Variants in DCAF6 observed in about 807,000 individuals in gnomAD.
DCAF6 encodes DDB1 and CUL4 associated factor 6.
In DCAF6, 54 loss-of-function variants were observed where a neutral mutation model predicts 125.1. The observed-to-expected ratio is 0.43, with a 90% CI of 0.35 to 0.54. DCAF6 has a LOEUF of 0.54. Ranked by LOEUF, DCAF6 falls within the 20% of genes least tolerant of loss-of-function variation. The pLI is 0.01. For missense variants in DCAF6, 934 were observed against 1,161.7 expected (o/e 0.80, Z 2.85); for synonymous variants, 371 against 390.4 (o/e 0.95, Z 0.58).
chr1:168,036,231 A>T (rs768248653), intron 12 of DCAF6, among the ~76,000 whole-genome samples: 1 of 152,174 alleles, frequency 6.6e-6, no homozygotes, highest in Non-Finnish European at 1.5e-5. Context: ...ATATATTCCT[A>T]TAGTCATAGC....
chr1:168,059,735 T>A (rs1254989092), intron 17 of DCAF6, among the ~76,000 whole-genome samples: 3 of 152,148 alleles, frequency 2.0e-5, no homozygotes, highest in Non-Finnish European at 4.4e-5. Flanking sequence ...AGTTTTGACC[T>A]CCTAGGCTCA....
the DCAF6 span, among the ~76,000 whole-genome samples, chr1:167,873,357 T>C: frequency 1.3e-5 from 2 of 152,192 alleles, no homozygotes; most frequent in Non-Finnish European, 2.9e-5. Flanking sequence ...AGTGTTTTTT[T>C]GCAGTTCTGG....
intron 6 of DCAF6, 45 bp downstream of exon 6, chr1:167,991,384 GAGT>G: frequency 6.6e-7 from 1 of 1,525,410 alleles, no homozygotes; most frequent in Non-Finnish European, 8.8e-7. Context: ...TCAGTTCAAA[GAGT>G]AAATCTCTAT....
the DCAF6 span, among the ~76,000 whole-genome samples, chr1:167,863,955 C>T: frequency 6.6e-6 from 1 of 152,158 alleles, no homozygotes; most frequent in African/African-American, 2.4e-5. Flanking sequence ...AATTACTTGA[C>T]AGGACTGGTC....
the DCAF6 span, among the ~76,000 whole-genome samples, chr1:167,864,721 G>T: frequency 6.6e-6 from 1 of 152,226 alleles, no homozygotes; most frequent in South Asian, 2.1e-4. Flanking sequence ...ACCTAAAATT[G>T]ATAATTAAAG....
intron 7 of DCAF6, 66 bp downstream of exon 7, chr1:167,993,506 T>G (rs1681174601): frequency 7.4e-7 from 1 of 1,349,804 alleles, no homozygotes; most frequent in Non-Finnish European, 1.0e-6. Context: ...TCCCAGCGCT[T>G]TGGGAGGCCG....
At chr1:168,064,031 C>T (rs169309) in intron 18 of DCAF6, 11,413 of 151,612 alleles carry the variant, frequency 0.075, 1,485 homozygotes, top group African/African-American at 0.3. Flanking sequence ...TTTTTTTTTT[C>T]CCCCTCTCTT....
chr1:167,899,985 C>T, the DCAF6 span, among the ~76,000 whole-genome samples: 4 of 152,182 alleles, frequency 2.6e-5, no homozygotes, highest in South Asian at 8.3e-4. Flanking sequence ...TGCATTTTAG[C>T]AGAGATTGAA....
At chr1:167,879,830 A>G in the DCAF6 span, among the ~76,000 whole-genome samples, 2 of 152,200 alleles carry the variant, frequency 1.3e-5, no homozygotes, top group Non-Finnish European at 2.9e-5. Context: ...AGAAGTAACT[A>G]TTTAATGTTA....
At chr1:167,894,934 C>T in the DCAF6 span, among the ~76,000 whole-genome samples, 2 of 152,116 alleles carry the variant, frequency 1.3e-5, no homozygotes, top group African/African-American at 4.8e-5. Context: ...CCTGTAATCC[C>T]AGCACTTTGG....
intron 5 of DCAF6, among the ~76,000 whole-genome samples, chr1:167,987,830 A>G (rs905599621): frequency 2.0e-5 from 3 of 152,206 alleles, no homozygotes; most frequent in East Asian, 1.9e-4. Flanking sequence ...GAAGTTGGAG[A>G]ACTTATATTT....
At chr1:167,982,331 TC>T (rs1278206503) in intron 4 of DCAF6, among the ~76,000 whole-genome samples, 1 of 152,122 alleles carries the variant, frequency 6.6e-6, no homozygotes, top group African/African-American at 2.4e-5. Context: ...AACCTCCTCT[TC>T]CTGCTTTCAA....
chr1:167,887,150 G>C, the DCAF6 span, among the ~76,000 whole-genome samples: 1 of 152,088 alleles, frequency 6.6e-6, no homozygotes, highest in Non-Finnish European at 1.5e-5. Context: ...ATTCCTCAAG[G>C]ATCTAGAACT....
the DCAF6 span, chr1:167,896,615 T>A: frequency 6.2e-7 from 1 of 1,613,354 alleles, no homozygotes; most frequent in Non-Finnish European, 8.5e-7. Context: ...ACCAGAAGGA[T>A]AATAATGCAT....
At chr1:167,982,857 T>C (rs1342352141) in intron 4 of DCAF6, among the ~76,000 whole-genome samples, 2 of 152,072 alleles carry the variant, frequency 1.3e-5, no homozygotes, top group Non-Finnish European at 2.9e-5. Flanking sequence ...TGTAGGGGGG[T>C]CCAGTTTCAT....
the DCAF6 span, among the ~76,000 whole-genome samples, chr1:167,871,366 G>GT: frequency 2.6e-5 from 4 of 152,132 alleles, no homozygotes; most frequent in East Asian, 5.8e-4. Flanking sequence ...TAGATTATAG[G>GT]TTTTTTCTGA....
intron 2 of DCAF6, among the ~76,000 whole-genome samples, chr1:167,955,600 T>C (rs1284895873): frequency 6.6e-6 from 1 of 152,182 alleles, no homozygotes; most frequent in African/African-American, 2.4e-5. Context: ...CTTAAGATTT[T>C]ATAGGATATT....
intron 13 of DCAF6, 61 bp from the exon 14 acceptor site, chr1:168,042,964 A>G (rs1688731924): frequency 2.4e-6 from 3 of 1,249,728 alleles, no homozygotes; most frequent in South Asian, 1.4e-5. Context: ...AAATATAAAA[A>G]TCCTAAAAGA....
intron 4 of DCAF6, 42 bp from the exon 5 acceptor site, chr1:167,987,453 A>T: frequency 1.0e-6 from 1 of 956,184 alleles, no homozygotes; most frequent in South Asian, 1.4e-5. Flanking sequence ...CCGTCTGTTT[A>T]AATGTTCGTA....
Sources: gnomAD v4.1 joint callset for allele counts (sites outside exome capture counted in the v4.1 genomes callset) on GRCh38, gnomAD v4.1.1 for gene constraint, MANE v1.5 for transcripts, NCBI Gene and HGNC (gene_info 2026-07-23, HGNC 2026-07-21) for gene names.